ANGPT1: variants seen among roughly 807,000 people sequenced by gnomAD.
ANGPT1 encodes angiopoietin-1.
ANGPT1 carries 17 observed loss-of-function variants against 62.2 expected under a neutral mutation model. The ratio of observed to expected loss-of-function variants is 0.27; its 90% CI spans 0.19 to 0.41. The LOEUF (loss-of-function observed/expected upper bound fraction) is 0.41, where lower values mean the gene tolerates loss of function less well. ANGPT1 is among the 10% of genes least tolerant of loss of function. The pLI is 1.00. For missense variants in ANGPT1, 478 were observed against 594.9 expected (o/e 0.80, Z 2.04); for synonymous variants, 199 against 198.9 (o/e 1.00, Z 0.00).
intron 6 of ANGPT1, among the ~76,000 whole-genome samples, chr8:107,287,738 T>C (rs906129065): frequency 2.0e-5 from 3 of 152,180 alleles, no homozygotes; most frequent in African/African-American, 7.2e-5. Context: ...CCCTTATCTC[T>C]GGCTCCAGAT....
intron 8 of ANGPT1, among the ~76,000 whole-genome samples, chr8:107,254,547 A>C (rs1408576963): frequency 6.6e-6 from 1 of 152,260 alleles, no homozygotes; most frequent in East Asian, 1.9e-4. Context: ...AAGGAGAATA[A>C]CTTGACTTTT....
intron 3 of ANGPT1, among the ~76,000 whole-genome samples, chr8:107,335,339 T>TCA (rs1815534317): frequency 6.6e-6 from 1 of 152,208 alleles, no homozygotes; most frequent in Non-Finnish European, 1.5e-5. Context: ...GGTCTTCACC[T>TCA]CAATATTATG....
intron 1 of ANGPT1, among the ~76,000 whole-genome samples, chr8:107,401,294 T>C (rs1352638022): frequency 6.6e-6 from 1 of 152,154 alleles, no homozygotes; most frequent in Non-Finnish European, 1.5e-5. Flanking sequence ...CTGTGGACTA[T>C]TTCATTTCCG....
At chr8:107,450,866 T>C (rs1811757729) in intron 1 of ANGPT1, among the ~76,000 whole-genome samples, 1 of 151,828 alleles carries the variant, frequency 6.6e-6, no homozygotes, top group Admixed American at 6.6e-5. Context: ...CTCTGCTAAT[T>C]ACTTTCCCTT....
chr8:107,377,418 T>G (rs1025828895), intron 1 of ANGPT1, among the ~76,000 whole-genome samples: 1 of 152,200 alleles, frequency 6.6e-6, no homozygotes, highest in Non-Finnish European at 1.5e-5. Context: ...AAATCTGCCA[T>G]GTGTGCTGGG....
intron 1 of ANGPT1, among the ~76,000 whole-genome samples, chr8:107,436,345 T>C (rs1004950323): frequency 2.0e-5 from 3 of 152,244 alleles, no homozygotes; most frequent in Admixed American, 6.5e-5. Context: ...TTCAATTTCA[T>C]TGCTACAGGA....
chr8:107,447,111 G>A lies in ANGPT1; in HGVS notation c.297+50151C>T, dbSNP rs534934848. Among the ~76,000 whole-genome samples, 37 of 152,126 alleles carry A rather than the reference G, an allele frequency of 2.4e-4. No individual in the cohort carries two copies. The South Asian group carries it at 7.5e-3, about 31-fold the overall frequency. On this transcript the variant is annotated intron_variant, in intron 1 of 8. Transcript: ENST00000517746. ...ATCTGACCACTTCTATTTCTACTGCGACCACCCTGGTCTGAGCCACTATGA... is the reference window on the plus strand; with the variant it reads ...ATCTGACCACTTCTATTTCTACTGCAACCACCCTGGTCTGAGCCACTATGA...
intron 1 of ANGPT1, among the ~76,000 whole-genome samples, chr8:107,353,993 T>C (rs1433196): frequency 0.17 from 25,098 of 152,080 alleles, 2,653 homozygotes; most frequent in Admixed American, 0.26. Flanking sequence ...ATAGAAGCTA[T>C]CAAGGGCAAC....
intron 1 of ANGPT1, among the ~76,000 whole-genome samples, chr8:107,459,248 A>G (rs1413424415): frequency 1.3e-5 from 2 of 152,138 alleles, no homozygotes; most frequent in African/African-American, 2.4e-5. Context: ...AGTCAATAAA[A>G]CAAATGAAAA....
chr8:107,385,415 G>A (rs1816714147), intron 1 of ANGPT1, among the ~76,000 whole-genome samples: 2 of 151,942 alleles, frequency 1.3e-5, no homozygotes, highest in Admixed American at 1.3e-4. Context: ...CCGCATTCTT[G>A]ATTTGGCTCT....
At chr8:107,432,063 A>G (rs1181504516) in intron 1 of ANGPT1, among the ~76,000 whole-genome samples, 1 of 152,144 alleles carries the variant, frequency 6.6e-6, no homozygotes, top group African/African-American at 2.4e-5. Context: ...ATACCATCAT[A>G]AAATTAAACT....
At chr8:107,394,666 C>T (rs774046969) in intron 1 of ANGPT1, among the ~76,000 whole-genome samples, 4 of 152,152 alleles carry the variant, frequency 2.6e-5, no homozygotes, top group Non-Finnish European at 4.4e-5. Flanking sequence ...TTGTCACTAA[C>T]GCTATTTATC....
At chr8:107,428,695 A>G (rs1487873448) in intron 1 of ANGPT1, among the ~76,000 whole-genome samples, 1 of 152,064 alleles carries the variant, frequency 6.6e-6, no homozygotes, top group Non-Finnish European at 1.5e-5. Context: ...ACAATCACAG[A>G]TACCTGCCAG....
chr8:107,450,806 G>A (rs1048749777), intron 1 of ANGPT1, among the ~76,000 whole-genome samples: 28 of 151,130 alleles, frequency 1.9e-4, no homozygotes, highest in African/African-American at 6.8e-4. Flanking sequence ...AATAATACTA[G>A]TAATAGTAGA....
intron 1 of ANGPT1, among the ~76,000 whole-genome samples, chr8:107,388,222 G>A (rs894593326): frequency 2.0e-5 from 3 of 151,848 alleles, no homozygotes; most frequent in Non-Finnish European, 2.9e-5. Context: ...ATCTGAGACC[G>A]GGCAACATAG....
chr8:107,464,821 G>C (rs1422548975), intron 1 of ANGPT1, among the ~76,000 whole-genome samples: 2 of 152,082 alleles, frequency 1.3e-5, no homozygotes, highest in Admixed American at 6.6e-5. Context: ...AGAAGAGTCA[G>C]ACAGGAAATC....
At chr8:107,366,107 T>C (rs2514855) in intron 1 of ANGPT1, among the ~76,000 whole-genome samples, 36,728 of 152,126 alleles carry the variant, frequency 0.24, 4,577 homozygotes, top group East Asian at 0.37. Flanking sequence ...GAATTGGAAA[T>C]TGATGCTCAA....
intron 1 of ANGPT1, among the ~76,000 whole-genome samples, chr8:107,484,561 A>C (rs963472316): frequency 6.6e-6 from 1 of 152,012 alleles, no homozygotes; most frequent in African/African-American, 2.4e-5. Flanking sequence ...GCCAGCCACC[A>C]TGCCAGGCTA....
At chr8:107,452,479 T>C (rs1353969087) in intron 1 of ANGPT1, among the ~76,000 whole-genome samples, 1 of 151,514 alleles carries the variant, frequency 6.6e-6, no homozygotes, top group Non-Finnish European at 1.5e-5. Flanking sequence ...CACTTTTATT[T>C]CTTTATTTTT....
Sources: allele counts gnomAD v4.1 joint callset (sites outside exome capture counted in the v4.1 genomes callset), GRCh38; gene constraint gnomAD v4.1.1; transcripts MANE v1.5; gene names NCBI Gene and HGNC (gene_info 2026-07-23, HGNC 2026-07-21).